C19orf47: variants seen among roughly 807,000 people sequenced by gnomAD.
The protein encoded by C19orf47 is uncharacterized protein C19orf47.
Under a neutral mutation model 32.3 loss-of-function variants are expected in C19orf47, and 18 were observed. The observed-to-expected ratio is 0.56, with a 90% CI of 0.39 to 0.83. C19orf47 has a LOEUF of 0.83. Ranked by LOEUF, C19orf47 falls within the 40% of genes least tolerant of loss-of-function variation. The pLI, the probability that C19orf47 is intolerant of heterozygous loss-of-function variation, is 0.00. For synonymous variants in C19orf47, 202 were observed against 211.1 expected, an observed-to-expected ratio of 0.96 and a Z score of 0.37; for missense variants, 484 against 531.6, an observed-to-expected ratio of 0.91 and a Z score of 0.88.
rs199971788 is a variant in C19orf47, at chr19:40,326,366, C to T, written c.560G>A (p.Arg187His). The T allele has an allele frequency of 6.8e-6, 11 of 1,614,172 alleles. No homozygotes were observed. The highest frequency in any genetic ancestry group is 5.3e-5 in the African/African-American group (4 of 75,042). The change falls in exon 7 of 9, where the codon CGC becomes CAC. Residue 187 changes from arginine to histidine, a missense_variant. By Grantham distance (29) the Arg-to-His change is conservative. Around this residue, in one of 3 missense-constraint regions of C19orf47, gnomAD observed 376 missense variants for 370.2 expected, o/e 1.02. Coordinates refer to ENST00000683109, the MANE Select transcript of C19orf47 (RefSeq NM_001256441.2). Reference sequence around the variant, plus strand: ...AGCCTGCTGCTGCTCCAGGATCTTGCGGGTGCGGGGTGTGGTGCCTTTGGG... The same window carrying T: ...AGCCTGCTGCTGCTCCAGGATCTTGTGGGTGCGGGGTGTGGTGCCTTTGGG... Reference protein sequence around the residue: ...NMPKGTTPRTRKILEQQQAAK... With the variant: ...NMPKGTTPRTHKILEQQQAAK...
At chr19:40,315,672 C>T (rs574138903), downstream of C19orf47, among the ~76,000 whole-genome samples, 28 of 151,874 alleles carry the variant, frequency 1.8e-4, no homozygotes, top group Admixed American at 9.9e-4. Flanking sequence ...CCCAGCCACT[C>T]AGGAGGCTGA....
chr19:40,341,842 T>C lies in C19orf47; in HGVS notation c.16A>G (p.Met6Val), dbSNP rs945053334. Residue 6 changes from methionine (M) to valine (V), a missense_variant, in exon 2 of 9, where the codon ATG (methionine) becomes GTG (valine). Transcript: ENST00000683109. MVSVT[M>V]ATSEWIQFFK... is the part of the protein sequence containing the mutation. ...GGAGAGAAGGCCACAGACTCACCCATAGTCACGGAGACCATCGTCTCCCTG... is the reference window on the plus strand; with the variant it reads ...GGAGAGAAGGCCACAGACTCACCCACAGTCACGGAGACCATCGTCTCCCTG... The C allele has an allele frequency of 2.7e-5, 42 of 1,535,960 alleles. No homozygotes were observed. The highest frequency in any genetic ancestry group is 5.5e-5 in the African/African-American group (4 of 73,024).
At chr19:40,300,443 C>A in the C19orf47 span, among the ~76,000 whole-genome samples, 1 of 151,342 alleles carries the variant, frequency 6.6e-6, no homozygotes, top group African/African-American at 2.4e-5. Context: ...CCAGCCTGGG[C>A]GACACAGCTA....
rs2077740696 is a variant in C19orf47, at chr19:40,322,442, C to T, written c.664-66G>A. On this transcript the variant is annotated intron_variant, in intron 8 of 8. Transcript: ENST00000683109. Reference sequence around the variant, plus strand: ...CTCAACACACATTCATGGAGAGCTGCTTCCTCTGTGCCTGGCCTCCTGGGA... The same window carrying T: ...CTCAACACACATTCATGGAGAGCTGTTTCCTCTGTGCCTGGCCTCCTGGGA... 6 of 1,479,268 alleles carry T rather than the reference C, an allele frequency of 4.1e-6. No homozygotes were observed. In the East Asian group the frequency reaches 1.2e-4, roughly 29 times the overall value. The allele number at this position is 1,479,268 out of a possible 1,614,324, so 91.6% of individuals were successfully genotyped here. A position where few individuals can be genotyped will look rare whatever the true frequency, so the allele number is the denominator to read the frequency against.
intron 6 of C19orf47, 23 bp from the exon 7 acceptor site, chr19:40,326,509 T>A: frequency 6.2e-7 from 1 of 1,608,736 alleles, no homozygotes; most frequent in Non-Finnish European, 8.5e-7. Context: ...AGCAGGGGTA[T>A]CAGCACTCTC....
the C19orf47 span, among the ~76,000 whole-genome samples, chr19:40,298,620 T>C: frequency 6.6e-6 from 1 of 152,228 alleles, no homozygotes. Context: ...TGTTAGCTCA[T>C]GACAGTTCAA....
the C19orf47 span, among the ~76,000 whole-genome samples, chr19:40,305,653 G>A: frequency 6.6e-6 from 1 of 152,100 alleles, no homozygotes; most frequent in African/African-American, 2.4e-5. Flanking sequence ...AATGCAACAT[G>A]TTAAGTCACC....
At chr19:40,333,651 G>C (rs1273483232) in intron 5 of C19orf47, among the ~76,000 whole-genome samples, 200 bp downstream of exon 5, 1 of 152,168 alleles carries the variant, frequency 6.6e-6, no homozygotes. Flanking sequence ...AGAACTTAAT[G>C]ACCACAGATG....
the C19orf47 span, among the ~76,000 whole-genome samples, chr19:40,311,074 C>CA: frequency 4.0e-5 from 6 of 151,848 alleles, no homozygotes; most frequent in African/African-American, 1.5e-4. Context: ...CCCTTCTCTA[C>CA]AAAAAAACCT....
At chr19:40,345,766 CGGGGCGGGG>C (rs1568630800) in intron 1 of C19orf47, among the ~76,000 whole-genome samples, 1 of 63,256 alleles carries the variant, frequency 1.6e-5, no homozygotes, top group African/African-American at 6.1e-5. Context: ...CGCTTCAACC[CGGGGCGGGG>C]GGGGGAGAGG....
rs2077715974 is a variant in C19orf47, at chr19:40,321,432, C to T, written c.*450G>A. 4.0e-6 allele frequency: 4 copies of T among 1,000,146 alleles called. No homozygotes were observed. Among genetic ancestry groups the T allele is most frequent in the East Asian group, 2.2e-4 (2 of 9,108 alleles). 62.0% of individuals were successfully genotyped at this position (1,000,146 alleles called of 1,614,324 possible). A position where few individuals can be genotyped will look rare whatever the true frequency, so the allele number is the denominator to read the frequency against. On this transcript the variant is annotated 3_prime_UTR_variant, in exon 9 of 9. Transcript: ENST00000683109. Reference sequence around the variant, plus strand: ...GAGAAGTCACAGCAGTGGGGGGAGGCGCAGAGGAGTGAGGGAGGTCAGTGG... The same window carrying T: ...GAGAAGTCACAGCAGTGGGGGGAGGTGCAGAGGAGTGAGGGAGGTCAGTGG...
chr19:40,307,600 G>C, the C19orf47 span, among the ~76,000 whole-genome samples: 6 of 152,036 alleles, frequency 3.9e-5, no homozygotes, highest in Non-Finnish European at 7.4e-5. Context: ...GGCTGGTATT[G>C]AACTCCTGAG....
At chr19:40,326,283 G>C in intron 7 of C19orf47, 51 bp downstream of exon 7, 1 of 1,605,342 alleles carries the variant, frequency 6.2e-7, no homozygotes, top group South Asian at 1.1e-5. Flanking sequence ...GTGTGATGCA[G>C]AGGGAGGGAC....
At chr19:40,303,470 C>T in the C19orf47 span, among the ~76,000 whole-genome samples, 1 of 148,778 alleles carries the variant, frequency 6.7e-6, no homozygotes, top group Admixed American at 6.9e-5. Context: ...TTGCAGTGAG[C>T]GGAGATCATA....
chr19:40,298,502 A>G, the C19orf47 span, among the ~76,000 whole-genome samples: 1 of 152,212 alleles, frequency 6.6e-6, no homozygotes, highest in Admixed American at 6.6e-5. Flanking sequence ...CTTAAAATTT[A>G]TAGAAAGAAA....
At chr19:40,340,865 G>A (rs540565683) in intron 2 of C19orf47, among the ~76,000 whole-genome samples, 1 of 150,892 alleles carries the variant, frequency 6.6e-6, no homozygotes, top group East Asian at 2.0e-4. Flanking sequence ...TATAGTCCCA[G>A]CTACTCGGAG....
intron 5 of C19orf47, among the ~76,000 whole-genome samples, chr19:40,331,070 C>G (rs2077943146): frequency 6.6e-6 from 1 of 152,184 alleles, no homozygotes; most frequent in African/African-American, 2.4e-5. Flanking sequence ...AGGAGTGTTG[C>G]AGAAACGAAC....
downstream of C19orf47, among the ~76,000 whole-genome samples, chr19:40,316,331 C>A (rs985225184): frequency 6.6e-6 from 1 of 152,116 alleles, no homozygotes; most frequent in African/African-American, 2.4e-5. Context: ...CCAGAGGTGG[C>A]CTTGTCTCAG....
intron 5 of C19orf47, among the ~76,000 whole-genome samples, 158 bp from the exon 6 acceptor site, chr19:40,328,708 C>T (rs1364734655): frequency 6.6e-6 from 1 of 152,000 alleles, no homozygotes; most frequent in African/African-American, 2.4e-5. Context: ...GATGGGGATG[C>T]TTGGGGGCAG....
Sources: gnomAD v4.1 joint callset for allele counts (sites outside exome capture counted in the v4.1 genomes callset) on GRCh38, gnomAD v4.1.1 for gene constraint, gnomAD v4.1.1 regional missense constraint, MANE v1.5 for transcripts, NCBI Gene and HGNC (gene_info 2026-07-23, HGNC 2026-07-21) for gene names.